Variants in TMEM232 observed in about 807,000 individuals in gnomAD.
TMEM232 encodes transmembrane protein 232.
Under a neutral mutation model 78.8 loss-of-function variants are expected in TMEM232, and 80 were observed. The observed-to-expected ratio is 1.01, with a 90% CI of 0.85 to 1.22. TMEM232 has a LOEUF of 1.22. Ranked by LOEUF, TMEM232 falls within the 50% of genes most tolerant of loss-of-function variation. The pLI is 0.00. For missense variants in TMEM232, 881 were observed against 742.2 expected (o/e 1.19, Z -2.17); for synonymous variants, 297 against 254.3 (o/e 1.17, Z -1.60).
In TMEM232 at chr5:110,463,883, C is replaced by T. The variant is rs376249622; in HGVS notation, c.1704-38967G>A. Among the ~76,000 whole-genome samples, 7 of 152,336 alleles carry T rather than the reference C, an allele frequency of 4.6e-5. 1 individual carries two copies. The highest frequency in any genetic ancestry group is 3.9e-4 in the East Asian group (2 of 5,184). ...ATCTTTATTCTGTGTTCTCCAGTCA[C>T]ACTGGCCTTATTTCTACCCCTTACA... On this transcript the variant is annotated intron_variant, in intron 12 of 13. Coordinates refer to ENST00000455884, the MANE Select transcript of TMEM232 (RefSeq NM_001039763.4).
chr5:110,638,371 T>C lies in TMEM232; in HGVS notation c.344-16A>G. On this transcript the variant is annotated splice_polypyrimidine_tract_variant and intron_variant, in intron 4 of 13. Transcript: ENST00000455884. ...TTTAAAGATTCTGAAATATTAAAAATATAGAAACTGCATCATTTGAAAATC... is the reference window on the plus strand; with the variant it reads ...TTTAAAGATTCTGAAATATTAAAAACATAGAAACTGCATCATTTGAAAATC... 1 of 1,516,176 alleles carries C rather than the reference T, an allele frequency of 6.6e-7. No individual in the cohort carries two copies. The highest frequency in any genetic ancestry group is 2.5e-5 in the East Asian group (1 of 40,592). The allele number at this position is 1,516,176 out of a possible 1,614,324, so 93.9% of individuals were successfully genotyped here.
intron 2 of TMEM232, among the ~76,000 whole-genome samples, chr5:110,647,733 G>A (rs1787701127): frequency 6.6e-6 from 1 of 151,760 alleles, no homozygotes; most frequent in Non-Finnish European, 1.5e-5. Context: ...TTTATTGATT[G>A]ACATTTCACA....
At chr5:110,679,675 G>A (rs1386233223) in intron 1 of TMEM232, among the ~76,000 whole-genome samples, 1 of 151,844 alleles carries the variant, frequency 6.6e-6, no homozygotes, top group African/African-American at 2.4e-5. Flanking sequence ...TCTTTGTTTT[G>A]TTATGATTGA....
At chr5:110,690,507 C>T (rs1047542006) in intron 1 of TMEM232, among the ~76,000 whole-genome samples, 10 of 152,244 alleles carry the variant, frequency 6.6e-5, no homozygotes, top group Non-Finnish European at 8.8e-5. Context: ...GAAATAGGAA[C>T]GCTTTTACAC....
At chr5:110,658,877 T>C (rs531060089) in intron 2 of TMEM232, among the ~76,000 whole-genome samples, 5 of 152,318 alleles carry the variant, frequency 3.3e-5, no homozygotes, top group African/African-American at 1.2e-4. Context: ...TAAATTAGTC[T>C]GACAGATTCA....
chr5:110,730,467 A>G (rs930040998), upstream of TMEM232, among the ~76,000 whole-genome samples: 3 of 152,292 alleles, frequency 2.0e-5, no homozygotes, highest in African/African-American at 4.8e-5. Context: ...AATAATTTCT[A>G]TTTGATACTG....
At chr5:110,503,716 C>T (rs139380070) in intron 12 of TMEM232, among the ~76,000 whole-genome samples, 16 of 152,238 alleles carry the variant, frequency 1.1e-4, no homozygotes, top group African/African-American at 3.8e-4. Flanking sequence ...TTTCCATAAG[C>T]CCATTACTAT....
chr5:110,652,966 C>G (rs1473433931), intron 2 of TMEM232, among the ~76,000 whole-genome samples: 2 of 152,084 alleles, frequency 1.3e-5, no homozygotes, highest in Non-Finnish European at 2.9e-5. Flanking sequence ...GCATGCCATC[C>G]AAACTGACTG....
chr5:110,530,884 T>C (rs1771363160), intron 11 of TMEM232, among the ~76,000 whole-genome samples: 1 of 152,194 alleles, frequency 6.6e-6, no homozygotes, highest in Admixed American at 6.5e-5. Context: ...ATAATAACTA[T>C]ATGAGGTTAT....
At chr5:110,557,616 G>C (rs1485889402) in intron 11 of TMEM232, among the ~76,000 whole-genome samples, 3 of 152,158 alleles carry the variant, frequency 2.0e-5, no homozygotes, top group African/African-American at 7.2e-5. Flanking sequence ...GAAGGGAAAG[G>C]GGAAGCAGGT....
chr5:110,680,980 G>C (rs1376185163), intron 1 of TMEM232, among the ~76,000 whole-genome samples: 1 of 152,080 alleles, frequency 6.6e-6, no homozygotes, highest in Admixed American at 6.6e-5. Flanking sequence ...AGAGGGAAAA[G>C]AGAAGGGTGA....
intron 1 of TMEM232, among the ~76,000 whole-genome samples, chr5:110,701,160 A>T (rs774636502): frequency 2.6e-5 from 4 of 151,982 alleles, no homozygotes; most frequent in African/African-American, 4.8e-5. Flanking sequence ...AAAATGACAG[A>T]TCTGAAATTT....
chr5:110,640,261 A>T (rs1364868713), intron 4 of TMEM232, among the ~76,000 whole-genome samples: 1 of 152,150 alleles, frequency 6.6e-6, no homozygotes, highest in African/African-American at 2.4e-5. Flanking sequence ...AAATTCCCAG[A>T]TAGCACTACA....
chr5:110,601,004 T>C (rs10042454), intron 10 of TMEM232, among the ~76,000 whole-genome samples: 14,475 of 152,188 alleles, frequency 0.095, 828 homozygotes, highest in South Asian at 0.2. Flanking sequence ...TGGTTCAACA[T>C]ATGCAAATCA....
At chr5:110,508,888 A>ATATATGTATATATATAAAAT (rs1164038741) in intron 12 of TMEM232, among the ~76,000 whole-genome samples, 1 of 143,294 alleles carries the variant, frequency 7.0e-6, no homozygotes, top group African/African-American at 2.5e-5. Flanking sequence ...ATATATGTGT[A>ATATATGTATATATATAAAAT]TATATGTATA....
intron 12 of TMEM232, among the ~76,000 whole-genome samples, chr5:110,478,252 T>A (rs966448834): frequency 6.6e-6 from 1 of 151,968 alleles, no homozygotes; most frequent in African/African-American, 2.4e-5. Flanking sequence ...AAAATGTTAA[T>A]GAAATATTAA....
intron 12 of TMEM232, among the ~76,000 whole-genome samples, chr5:110,495,465 C>T (rs112292018): frequency 0.019 from 2,937 of 151,882 alleles, 107 homozygotes; most frequent in African/African-American, 0.066. Context: ...GTTTCAGAGA[C>T]GATCTGTCTT....
intron 12 of TMEM232, among the ~76,000 whole-genome samples, chr5:110,516,483 A>T (rs1381908304): frequency 6.6e-6 from 1 of 152,174 alleles, no homozygotes. Context: ...TAAACTTGAG[A>T]TCGTTTTACT....
At chr5:110,662,936 CA>C (rs907461812) in intron 2 of TMEM232, among the ~76,000 whole-genome samples, 1 of 150,276 alleles carries the variant, frequency 6.7e-6, no homozygotes, top group Non-Finnish European at 1.5e-5. Context: ...AACCAAAATA[CA>C]AAAAAAAGGC....
Sources: gnomAD v4.1 joint callset for allele counts (sites outside exome capture counted in the v4.1 genomes callset) on GRCh38, gnomAD v4.1.1 for gene constraint, MANE v1.5 for transcripts, NCBI Gene and HGNC (gene_info 2026-07-23, HGNC 2026-07-21) for gene names.